Variants in SUMF1 observed in about 807,000 individuals in gnomAD.
SUMF1 encodes the protein sulfatase modifying factor 1.
A neutral mutation model predicts 47.6 loss-of-function variants in SUMF1; 48 were observed. The ratio of observed to expected loss-of-function variants is 1.01; its 90% CI spans 0.80 to 1.28. The LOEUF is 1.28. Ranked by LOEUF, SUMF1 falls within the 50% of genes most tolerant of loss-of-function variation. The probability of loss-of-function intolerance (pLI) is 0.00; values close to 1 mark genes in which losing one functional copy is unlikely to be tolerated. For synonymous variants in SUMF1, 230 were observed against 192.1 expected (o/e 1.20, Z -1.63); for missense variants, 571 against 485.4 (o/e 1.18, Z -1.66).
intron 8 of SUMF1, among the ~76,000 whole-genome samples, chr3:4,180,254 T>C (rs1000891824): frequency 1.3e-5 from 2 of 152,176 alleles, no homozygotes; most frequent in African/African-American, 2.4e-5. Context: ...CGTATGTTTA[T>C]TGCGGCACTA....
chr3:4,388,817 G>T (rs1361204502), intron 7 of SUMF1, among the ~76,000 whole-genome samples: 1 of 152,042 alleles, frequency 6.6e-6, no homozygotes, highest in Non-Finnish European at 1.5e-5. Flanking sequence ...AGTCATAAAT[G>T]TATCAGTCTA....
intron 8 of SUMF1, among the ~76,000 whole-genome samples, chr3:4,262,417 C>T (rs1223552046): frequency 6.6e-6 from 1 of 152,086 alleles, no homozygotes; most frequent in Non-Finnish European, 1.5e-5. Context: ...CTCTATGTGC[C>T]AAAGTGGTCA....
intron 8 of SUMF1, among the ~76,000 whole-genome samples, chr3:4,232,700 T>G (rs1311892556): frequency 6.6e-6 from 1 of 152,158 alleles, no homozygotes; most frequent in Non-Finnish European, 1.5e-5. Flanking sequence ...ATATGGTATT[T>G]TTTTTTAAAA....
chr3:4,252,336 C>G (rs1462176748), intron 8 of SUMF1, among the ~76,000 whole-genome samples: 2 of 144,564 alleles, frequency 1.4e-5, no homozygotes, highest in African/African-American at 2.7e-5. Flanking sequence ...TGGATTCGCT[C>G]CAAATACACA....
chr3:4,437,344 A>T (rs1220154861), intron 3 of SUMF1, among the ~76,000 whole-genome samples: 2 of 152,238 alleles, frequency 1.3e-5, no homozygotes, highest in Non-Finnish European at 2.9e-5. Context: ...TTTATACTCA[A>T]GTATTAAAAT....
intron 3 of SUMF1, among the ~76,000 whole-genome samples, chr3:4,422,817 C>T (rs1263820892): frequency 2.0e-5 from 3 of 151,190 alleles, no homozygotes; most frequent in African/African-American, 7.3e-5. Context: ...TTTTTATTTC[C>T]ATAGGTTTCT....
At chr3:4,115,590 C>T (rs1334082303) in intron 8 of SUMF1, among the ~76,000 whole-genome samples, 1 of 151,920 alleles carries the variant, frequency 6.6e-6, no homozygotes, top group Non-Finnish European at 1.5e-5. Context: ...CATGTTCCTC[C>T]GACGGGTTTG....
intron 8 of SUMF1, among the ~76,000 whole-genome samples, chr3:4,247,139 C>T (rs1696689273): frequency 6.6e-6 from 1 of 152,214 alleles, no homozygotes. Context: ...TATTTTTTCA[C>T]TGCCCCATTG....
At chr3:4,286,904 T>C (rs1436986822) in intron 8 of SUMF1, among the ~76,000 whole-genome samples, 2 of 152,194 alleles carry the variant, frequency 1.3e-5, no homozygotes, top group African/African-American at 2.4e-5. Context: ...ATTTATGTTT[T>C]AGGTTATTGT....
At chr3:4,441,535 T>A (rs185022617) in intron 3 of SUMF1, among the ~76,000 whole-genome samples, 12 of 152,214 alleles carry the variant, frequency 7.9e-5, no homozygotes, top group Admixed American at 7.2e-4. Flanking sequence ...GCCAAAAAGG[T>A]TGGGGACTGC....
intron 2 of SUMF1, among the ~76,000 whole-genome samples, chr3:4,449,809 C>A (rs1481305220): frequency 1.3e-5 from 2 of 152,194 alleles, no homozygotes; most frequent in African/African-American, 4.8e-5. Context: ...CTGGCCAATT[C>A]AAGCATCAAA....
chr3:4,208,249 G>C (rs1162878802), intron 8 of SUMF1, among the ~76,000 whole-genome samples: 5 of 152,010 alleles, frequency 3.3e-5, no homozygotes, highest in Non-Finnish European at 2.9e-5. Context: ...TAGCCATCCT[G>C]TCCCACCTAA....
chr3:4,226,257 T>C (rs1006146141), intron 8 of SUMF1, among the ~76,000 whole-genome samples: 2 of 145,618 alleles, frequency 1.4e-5, no homozygotes, highest in Non-Finnish European at 3.0e-5. Flanking sequence ...TTGTTTTTTT[T>C]TTGTTTCTTT....
At chr3:4,279,567 A>T (rs1697487116) in intron 8 of SUMF1, among the ~76,000 whole-genome samples, 1 of 152,128 alleles carries the variant, frequency 6.6e-6, no homozygotes, top group Non-Finnish European at 1.5e-5. Flanking sequence ...CTTATATGAG[A>T]ACCAATCTGA....
At chr3:4,447,011 G>A (rs907909984) in intron 3 of SUMF1, among the ~76,000 whole-genome samples, 3 of 152,048 alleles carry the variant, frequency 2.0e-5, no homozygotes, top group African/African-American at 7.2e-5. Flanking sequence ...GCTACTTTAG[G>A]GACAGAGAGG....
intron 8 of SUMF1, among the ~76,000 whole-genome samples, chr3:4,171,083 T>C (rs533902125): frequency 6.6e-6 from 1 of 152,342 alleles, no homozygotes; most frequent in South Asian, 2.1e-4. Context: ...ATTCAAATTT[T>C]GTTAAAAAGA....
intron 8 of SUMF1, among the ~76,000 whole-genome samples, chr3:4,147,696 AC>A (rs1054226601): frequency 1.3e-5 from 2 of 152,170 alleles, no homozygotes; most frequent in Non-Finnish European, 2.9e-5. Flanking sequence ...ATTGTACAGA[AC>A]CAGATGCTTC....
intron 8 of SUMF1, among the ~76,000 whole-genome samples, chr3:4,261,955 A>C (rs1255528147): frequency 6.6e-6 from 1 of 152,168 alleles, no homozygotes; most frequent in Non-Finnish European, 1.5e-5. Flanking sequence ...GCCAGATTTC[A>C]CTAAGAAATA....
intron 8 of SUMF1, among the ~76,000 whole-genome samples, chr3:4,234,521 T>C (rs2124987323): frequency 1.3e-5 from 2 of 152,282 alleles, no homozygotes; most frequent in Middle Eastern, 6.8e-3. Flanking sequence ...TCAACTAACA[T>C]GTATATGACT....
Sources: allele counts gnomAD v4.1 joint callset (sites outside exome capture counted in the v4.1 genomes callset), GRCh38; gene constraint gnomAD v4.1.1; transcripts MANE v1.5; gene names NCBI Gene and HGNC (gene_info 2026-07-23, HGNC 2026-07-21).